Variants in PIEZO2 observed in about 807,000 individuals in gnomAD.
PIEZO2 encodes piezo type mechanosensitive ion channel component 2.
In PIEZO2, 172 loss-of-function variants were observed where a neutral mutation model predicts 337.3. That is an observed-to-expected ratio of 0.51 (90% CI 0.45 to 0.58). The LOEUF (loss-of-function observed/expected upper bound fraction) is 0.58, where lower values mean the gene tolerates loss of function less well. Ranked by LOEUF, PIEZO2 falls within the 20% of genes least tolerant of loss-of-function variation. PIEZO2 has a pLI of 0.00. For missense variants in PIEZO2, 3,028 were observed against 3,391.3 expected (o/e 0.89, Z 2.66); for synonymous variants, 1,251 against 1,228.5 (o/e 1.02, Z -0.38).
At chr18:10,762,401 G>T in intron 23 of PIEZO2, 99 bp downstream of exon 23, 2 of 1,375,934 alleles carry the variant, frequency 1.5e-6, no homozygotes, top group East Asian at 2.5e-5. Context: ...GAGAAGATAT[G>T]GTTACTATCA....
chr18:11,117,227 C>A (rs1251829526), intron 1 of PIEZO2, among the ~76,000 whole-genome samples: 2 of 152,216 alleles, frequency 1.3e-5, no homozygotes, highest in East Asian at 3.8e-4. Flanking sequence ...TTGCTCATTA[C>A]ACATTATTTG....
chr18:10,963,783 G>T (rs951723108), intron 3 of PIEZO2, among the ~76,000 whole-genome samples: 1 of 152,272 alleles, frequency 6.6e-6, no homozygotes, highest in East Asian at 1.9e-4. Flanking sequence ...GAGTATTTCC[G>T]TAGATGCTAA....
chr18:11,036,753 T>G (rs2145788321), intron 2 of PIEZO2, among the ~76,000 whole-genome samples: 1 of 152,258 alleles, frequency 6.6e-6, no homozygotes, highest in South Asian at 2.1e-4. Flanking sequence ...ATAATAAAAT[T>G]GAATTACTTT....
chr18:11,048,323 C>G lies in PIEZO2; in HGVS notation c.160+17804G>C, dbSNP rs143013723. 7.5e-4 allele frequency among the ~76,000 whole-genome samples: 114 copies of G among 152,298 alleles called. No individual in the cohort carries two copies. The East Asian group carries it at 0.017, about 23-fold the overall frequency. On this transcript the variant is annotated intron_variant, in intron 2 of 55. Transcript: ENST00000674853. The surrounding 1 kb of genome is among the most constrained non-coding windows in gnomAD (Gnocchi z 4.5). ...CACAAGATTGAAAAGACCTGTCTTACGGTTACTCATGGCTCTGGGGCCAAG... is the reference window on the plus strand; with the variant it reads ...CACAAGATTGAAAAGACCTGTCTTAGGGTTACTCATGGCTCTGGGGCCAAG...
intron 3 of PIEZO2, among the ~76,000 whole-genome samples, chr18:10,914,987 C>A (rs1294955568): frequency 8.7e-5 from 13 of 149,756 alleles, no homozygotes; most frequent in African/African-American, 3.2e-4. Context: ...GAATCCAGCT[C>A]TGCCTGTCCA....
At chr18:11,138,448 A>T (rs991101231) in intron 1 of PIEZO2, among the ~76,000 whole-genome samples, 1 of 152,098 alleles carries the variant, frequency 6.6e-6, no homozygotes, top group Non-Finnish European at 1.5e-5. Flanking sequence ...GGCGTGTGCC[A>T]CCTCACCCAG....
intron 4 of PIEZO2, among the ~76,000 whole-genome samples, chr18:10,906,033 T>C (rs1246688468): frequency 6.6e-6 from 1 of 152,024 alleles, no homozygotes; most frequent in African/African-American, 2.4e-5. Flanking sequence ...CTTTATGACA[T>C]AGATGCTGGG....
At chr18:11,007,032 T>C (rs59037150) in intron 2 of PIEZO2, among the ~76,000 whole-genome samples, 18,871 of 152,208 alleles carry the variant, frequency 0.12, 1,484 homozygotes, top group Admixed American at 0.21. Context: ...TTGGGAACAT[T>C]TCAAAACTAC....
chr18:10,832,245 A>C (rs1179667985), intron 7 of PIEZO2, among the ~76,000 whole-genome samples: 1 of 152,194 alleles, frequency 6.6e-6, no homozygotes, highest in Non-Finnish European at 1.5e-5. Context: ...TGTCTCAAAA[A>C]AACAAAACAA....
chr18:11,017,688 G>T (rs1229466321), intron 2 of PIEZO2, among the ~76,000 whole-genome samples: 1 of 152,074 alleles, frequency 6.6e-6, no homozygotes. Flanking sequence ...TCTTCCCTCT[G>T]CCTGGAACAT....
At chr18:10,785,757 C>T (rs1302401212) in intron 16 of PIEZO2, among the ~76,000 whole-genome samples, 2 of 152,166 alleles carry the variant, frequency 1.3e-5, no homozygotes, top group African/African-American at 2.4e-5. Context: ...AGGGGAAGCT[C>T]CCATCATTTC....
chr18:10,704,291 G>A (rs374926569), intron 42 of PIEZO2, 103 bp downstream of exon 42: 2 of 1,401,258 alleles, frequency 1.4e-6, no homozygotes, highest in East Asian at 5.0e-5. Flanking sequence ...AACTGTCTGG[G>A]ATCAGGGCAG....
intron 2 of PIEZO2, among the ~76,000 whole-genome samples, chr18:11,010,496 A>G (rs1764286831): frequency 6.6e-6 from 1 of 152,182 alleles, no homozygotes; most frequent in Non-Finnish European, 1.5e-5. Context: ...CAACACCACT[A>G]GGAACAGAAA....
chr18:10,709,106 AG>A (rs2035712652), intron 39 of PIEZO2: 1 of 152,220 alleles, frequency 6.6e-6, no homozygotes, highest in Admixed American at 6.5e-5. Flanking sequence ...GAAAGAACAA[AG>A]GAACTTGAGC....
intron 2 of PIEZO2, among the ~76,000 whole-genome samples, chr18:11,042,515 C>G (rs2037160947): frequency 1.3e-5 from 2 of 152,254 alleles, no homozygotes; most frequent in Non-Finnish European, 2.9e-5. Context: ...GGTTTCTTGT[C>G]TGCAAAACAA....
Position 10,996,986 on chromosome 18 carries a change from C to A in PIEZO2, c.161-17326G>T, listed in dbSNP as rs373584898. Among the ~76,000 whole-genome samples, 3 of 152,210 alleles carry A rather than the reference C, an allele frequency of 2.0e-5. No homozygotes were observed. The East Asian group carries it at 5.8e-4, about 29-fold the overall frequency. ...ATGAGAAGAGAGCAAGAAAAATTATCATCTAATTTGTTATAAATCAATAAG... is the reference window on the plus strand; with the variant it reads ...ATGAGAAGAGAGCAAGAAAAATTATAATCTAATTTGTTATAAATCAATAAG... On this transcript the variant is annotated intron_variant, in intron 2 of 55. Coordinates refer to ENST00000674853, the MANE Select transcript of PIEZO2 (RefSeq NM_001378183.1).
intron 1 of PIEZO2, among the ~76,000 whole-genome samples, chr18:11,106,965 T>C (rs1030421504): frequency 5.9e-5 from 9 of 152,188 alleles, no homozygotes; most frequent in Non-Finnish European, 1.2e-4. Flanking sequence ...CCTGGGCAGA[T>C]AGATCACTAA....
At position 10,736,851 on chromosome 18, in the gene PIEZO2, C is replaced by CG. The variant is rs1432207653; in HGVS notation, c.4709-142_4709-141insC. The CG allele has an allele frequency of 2.5e-4, 240 of 966,098 alleles. No individual in the cohort carries two copies. The African/African-American group carries it at 3.4e-3, about 14-fold the overall frequency. 59.8% of individuals were successfully genotyped at this position (966,098 alleles called of 1,614,324 possible). A position where few individuals can be genotyped will look rare whatever the true frequency, so the allele number is the denominator to read the frequency against. On this transcript the variant is annotated intron_variant, in intron 33 of 55. Coordinates refer to ENST00000674853, the MANE Select transcript of PIEZO2 (RefSeq NM_001378183.1). ...AGATGTTGGCAGAGAGGAAAACACA[C>CG]AAGATGAAGAGAACTCATCTTCGGC...
intron 2 of PIEZO2, among the ~76,000 whole-genome samples, chr18:10,998,465 T>C (rs2035412784): frequency 6.6e-6 from 1 of 152,136 alleles, no homozygotes; most frequent in Non-Finnish European, 1.5e-5. Flanking sequence ...ACTTGGTGTG[T>C]ACAGAAATAA....
Sources: allele counts gnomAD v4.1 joint callset (sites outside exome capture counted in the v4.1 genomes callset), GRCh38; gene constraint gnomAD v4.1.1; non-coding constraint Gnocchi (gnomAD v3.1); transcripts MANE v1.5; gene names NCBI Gene and HGNC (gene_info 2026-07-23, HGNC 2026-07-21).